The following BANP variants were observed in gnomAD, a reference collection of about 807,000 sequenced individuals.
BANP encodes protein BANP.
Under a neutral mutation model 68.1 loss-of-function variants are expected in BANP, and 11 were observed. That is an observed-to-expected ratio of 0.16 (90% CI 0.10 to 0.27). The LOEUF (loss-of-function observed/expected upper bound fraction) is 0.27, where lower values mean the gene tolerates loss of function less well. Among genes scored for constraint, BANP ranks in the 10% least tolerant of loss-of-function variants. The pLI is 1.00. For missense variants in BANP, 504 were observed against 722.7 expected, an observed-to-expected ratio of 0.70 and a Z score of 3.47; for synonymous variants, 329 against 303.2, an observed-to-expected ratio of 1.09 and a Z score of -0.88.
intron 13 of BANP, among the ~76,000 whole-genome samples, chr16:88,075,521 A>C (rs28451517): frequency 0.21 from 31,332 of 152,060 alleles, 3,686 homozygotes; most frequent in South Asian, 0.27. Flanking sequence ...AAAATGAAGC[A>C]GGACCTTAAC....
intron 13 of BANP, 41 bp downstream of exon 13, chr16:88,072,253 A>C (rs886770826): frequency 6.4e-7 from 1 of 1,566,698 alleles, no homozygotes; most frequent in Non-Finnish European, 8.6e-7. Context: ...AAGTGATGGC[A>C]TGGCCGCCTG....
intron 1 of BANP, among the ~76,000 whole-genome samples, chr16:87,958,199 ACT>A (rs2058473085): frequency 1.3e-5 from 2 of 150,912 alleles, no homozygotes; most frequent in Admixed American, 1.3e-4. Flanking sequence ...ATGTTCTTGA[ACT>A]CTGAGTCCCT....
At chr16:87,979,656 G>A (rs1379804678) in intron 2 of BANP, among the ~76,000 whole-genome samples, 1 of 152,156 alleles carries the variant, frequency 6.6e-6, no homozygotes, top group African/African-American at 2.4e-5. Flanking sequence ...GCCAAGGTGT[G>A]CATGTGCTGA....
At chr16:88,019,401 CGGGAGGGTGT>C (rs1423477731) in intron 7 of BANP, among the ~76,000 whole-genome samples, 4 of 151,842 alleles carry the variant, frequency 2.6e-5, no homozygotes, top group African/African-American at 9.7e-5. Context: ...AGGCCCCTGG[CGGGAGGGTGT>C]GGGAGGGTGC....
chr16:88,027,441 C>T lies in BANP; in HGVS notation c.896-42C>T, dbSNP rs751177245. 1.9e-6 allele frequency: 3 copies of T among 1,609,842 alleles called. No individual in the cohort carries two copies. In the South Asian group the frequency reaches 3.3e-5, roughly 18 times the overall value. ...AGCCAGGCAGCTCCTGGTGGCTGTC[C>T]CGAACAGGCCTCACCGCTTCTCCTT... On this transcript the variant is annotated intron_variant, in intron 7 of 13. Transcript: ENST00000682872.
intron 8 of BANP, 93 bp from the exon 9 acceptor site, chr16:88,033,016 G>T: frequency 7.5e-6 from 10 of 1,340,508 alleles, no homozygotes; most frequent in Non-Finnish European, 9.0e-6. Flanking sequence ...TGCTGTGGGA[G>T]TCGACAGTGG....
At chr16:87,972,105 T>C (rs1404374233) in intron 1 of BANP, among the ~76,000 whole-genome samples, 1 of 152,268 alleles carries the variant, frequency 6.6e-6, no homozygotes, top group Non-Finnish European at 1.5e-5. Context: ...TTTTCATCTT[T>C]AGCATCTCCT....
chr16:88,007,246 T>C (rs2071491948), intron 6 of BANP, among the ~76,000 whole-genome samples: 1 of 152,212 alleles, frequency 6.6e-6, no homozygotes, highest in Admixed American at 6.5e-5. Context: ...TGTGTTTTCA[T>C]GTCTCTTGGA....
intron 4 of BANP, among the ~76,000 whole-genome samples, chr16:87,989,023 A>G (rs553911646): frequency 6.6e-6 from 1 of 152,344 alleles, no homozygotes; most frequent in South Asian, 2.1e-4. Flanking sequence ...GCAGTGGAGT[A>G]CTGCTTGCCT....
At chr16:87,958,702 C>G (rs1198502370) in intron 1 of BANP, among the ~76,000 whole-genome samples, 2 of 152,160 alleles carry the variant, frequency 1.3e-5, no homozygotes, top group East Asian at 3.9e-4. Context: ...GACCCTGTCT[C>G]AAGAAAAAAC....
At chr16:88,074,638 C>A (rs1454867911) in intron 13 of BANP, among the ~76,000 whole-genome samples, 1 of 152,140 alleles carries the variant, frequency 6.6e-6, no homozygotes, top group African/African-American at 2.4e-5. Flanking sequence ...CCCAAGTCCC[C>A]AGCTGCCTTT....
chr16:87,980,216 C>G (rs757216211), intron 2 of BANP, among the ~76,000 whole-genome samples: 9 of 152,194 alleles, frequency 5.9e-5, no homozygotes, highest in Non-Finnish European at 1.2e-4. Context: ...CCTTGAACTT[C>G]TATCTATAAC....
intron 1 of BANP, among the ~76,000 whole-genome samples, chr16:87,972,877 G>C (rs772902887): frequency 1.3e-5 from 2 of 152,180 alleles, no homozygotes; most frequent in Non-Finnish European, 2.9e-5. Context: ...TTGGGGTCCA[G>C]AACACTCTGG....
intron 8 of BANP, among the ~76,000 whole-genome samples, 158 bp downstream of exon 8, chr16:88,027,808 G>A (rs1339908351): frequency 1.3e-5 from 2 of 152,270 alleles, no homozygotes; most frequent in Non-Finnish European, 2.9e-5. Context: ...TGGAGCCGCA[G>A]GACCTGTGCC....
intron 4 of BANP, among the ~76,000 whole-genome samples, chr16:87,998,486 T>G (rs1313351587): frequency 6.6e-6 from 1 of 152,230 alleles, no homozygotes; most frequent in Non-Finnish European, 1.5e-5. Flanking sequence ...GCCGTGAAGG[T>G]GCTGCCGACC....
At chr16:87,977,121 G>A (rs1056587603) in intron 2 of BANP, among the ~76,000 whole-genome samples, 13 of 152,258 alleles carry the variant, frequency 8.5e-5, no homozygotes, top group Non-Finnish European at 1.8e-4. Context: ...TTTGTTAAAA[G>A]CCTACTGTGT....
chr16:88,018,732 A>G lies in BANP; in HGVS notation c.895+65A>G, dbSNP rs113764111. On this transcript the variant is annotated intron_variant, in intron 7 of 13. Coordinates refer to ENST00000682872, the MANE Select transcript of BANP (RefSeq NM_001386991.1). The surrounding 1 kb of genome is among the most constrained non-coding windows in gnomAD (Gnocchi z 7.7). ...GAGCTGGGTCAGGACCCACATTTCA[A>G]TGCTGAGGACGCTGGCATCAGTAGC... The G allele has an allele frequency of 8.4e-5, 126 of 1,505,750 alleles. 2 individuals carry two copies. The African/African-American group carries it at 1.4e-3, about 17-fold the overall frequency. 93.3% of individuals were successfully genotyped at this position (1,505,750 alleles called of 1,614,324 possible).
intron 11 of BANP, among the ~76,000 whole-genome samples, chr16:88,053,040 TACCATC>T (rs1001926533): frequency 8.3e-6 from 1 of 120,966 alleles, no homozygotes; most frequent in African/African-American, 3.1e-5. Flanking sequence ...TAACAAACAC[TACCATC>T]ACCATCACCC....
In BANP at chr16:88,064,636, C is replaced by T. The variant is rs1290423726; in HGVS notation, c.1312-631C>T. ...TCCCCGAGGAGGCCTGGGGACCCCT[C>T]CTGGACATGCCTTCCTCCCTTAAAA... On this transcript the variant is annotated intron_variant, in intron 11 of 13. Coordinates refer to ENST00000682872, the MANE Select transcript of BANP (RefSeq NM_001386991.1). The surrounding 1 kb of genome is among the most constrained non-coding windows in gnomAD (Gnocchi z 4.5). 6.6e-6 allele frequency among the ~76,000 whole-genome samples: 1 copy of T among 152,244 alleles called. No individual in the cohort carries two copies. Among genetic ancestry groups the T allele is most frequent in the Non-Finnish European group, 1.5e-5 (1 of 68,038 alleles).
Sources: allele counts gnomAD v4.1 joint callset (sites outside exome capture counted in the v4.1 genomes callset), GRCh38; gene constraint gnomAD v4.1.1; non-coding constraint Gnocchi (gnomAD v3.1); transcripts MANE v1.5; gene names NCBI Gene and HGNC (gene_info 2026-07-23, HGNC 2026-07-21).